MYO3B: variants seen among roughly 807,000 people sequenced by gnomAD.
The protein encoded by MYO3B is myosin IIIB.
In MYO3B, 156 loss-of-function variants were observed where a neutral mutation model predicts 174.6. That is an observed-to-expected ratio of 0.89 (90% CI 0.78 to 1.02). MYO3B has a LOEUF of 1.02. MYO3B is among the 50% of genes least tolerant of loss of function. The pLI, the probability that MYO3B is intolerant of heterozygous loss-of-function variation, is 0.00. For synonymous variants in MYO3B, 563 were observed against 569.1 expected, an observed-to-expected ratio of 0.99 and a Z score of 0.15; for missense variants, 1,632 against 1,639.4, an observed-to-expected ratio of 1.00 and a Z score of 0.08.
At chr2:170,217,231 T>C in intron 5 of MYO3B, 88 bp from the exon 6 acceptor site, 1 of 1,105,180 alleles carries the variant, frequency 9.0e-7, no homozygotes, top group Non-Finnish European at 1.4e-6. Context: ...CTAAAGTACT[T>C]ATTTGGCCTT....
chr2:170,195,289 C>G (rs889198258), intron 1 of MYO3B, among the ~76,000 whole-genome samples: 8 of 152,010 alleles, frequency 5.3e-5, no homozygotes, highest in African/African-American at 1.7e-4. Flanking sequence ...ACCGTCCTAT[C>G]CTGTACCCAT....
intron 32 of MYO3B, among the ~76,000 whole-genome samples, chr2:170,634,710 A>G (rs1697317007): frequency 6.6e-6 from 1 of 152,268 alleles, no homozygotes. Flanking sequence ...AAATTTTTGC[A>G]ATCTACCCAT....
At chr2:170,441,664 G>C (rs887019636) in intron 22 of MYO3B, among the ~76,000 whole-genome samples, 20 of 152,220 alleles carry the variant, frequency 1.3e-4, no homozygotes, top group African/African-American at 4.6e-4. Flanking sequence ...TCCTGGAACT[G>C]AGGGGTCCTC....
At chr2:170,424,800 C>G (rs955506455) in intron 22 of MYO3B, among the ~76,000 whole-genome samples, 1 of 151,928 alleles carries the variant, frequency 6.6e-6, no homozygotes, top group Non-Finnish European at 1.5e-5. Context: ...AATTTAGAGC[C>G]ATTTGGTTTT....
intron 8 of MYO3B, chr2:170,350,250 C>T (rs894720665): frequency 6.6e-6 from 1 of 151,978 alleles, no homozygotes; most frequent in Non-Finnish European, 1.5e-5. Flanking sequence ...CTGCCCGCCT[C>T]GACCTCCCAA....
chr2:170,207,524 G>T (rs577583943), intron 3 of MYO3B, among the ~76,000 whole-genome samples: 2 of 152,226 alleles, frequency 1.3e-5, no homozygotes, highest in South Asian at 4.2e-4. Context: ...AGGCTTTTGG[G>T]TTCCCTTCCC....
At chr2:170,303,826 T>C (rs1211575608) in intron 7 of MYO3B, among the ~76,000 whole-genome samples, 1 of 152,118 alleles carries the variant, frequency 6.6e-6, no homozygotes, top group African/African-American at 2.4e-5. Flanking sequence ...TATATATTAA[T>C]ATGCAATTAC....
At chr2:170,344,660 CA>C (rs1425741702) in intron 8 of MYO3B, 1 of 152,086 alleles carries the variant, frequency 6.6e-6, no homozygotes, top group African/African-American at 2.4e-5. Flanking sequence ...GGACAGGAAG[CA>C]GTCTGCATCA....
chr2:170,555,053 G>A (rs6717120), intron 32 of MYO3B, among the ~76,000 whole-genome samples: 5,448 of 33,662 alleles, frequency 0.16, 306 homozygotes, highest in African/African-American at 0.22. Context: ...TTCTTTTTAT[G>A]TTTGTTTGTT....
intron 32 of MYO3B, among the ~76,000 whole-genome samples, chr2:170,582,192 G>T (rs10209305): frequency 0.52 from 78,831 of 152,094 alleles, 21,195 homozygotes; most frequent in Non-Finnish European, 0.59. Context: ...GGCTACAGAC[G>T]CACTACCAGC....
At chr2:170,245,692 G>C (rs12618301) in intron 7 of MYO3B, among the ~76,000 whole-genome samples, 13,189 of 152,256 alleles carry the variant, frequency 0.087, 733 homozygotes, top group East Asian at 0.18. Context: ...GTTTTCTTAA[G>C]TATCCTCTCT....
At chr2:170,470,345 A>G (rs755173720) in intron 25 of MYO3B, among the ~76,000 whole-genome samples, 10 of 152,134 alleles carry the variant, frequency 6.6e-5, no homozygotes, top group African/African-American at 2.4e-4. Flanking sequence ...TGTAAATGGA[A>G]TCATACAACG....
chr2:170,230,174 GT>G (rs1175614525), intron 6 of MYO3B, among the ~76,000 whole-genome samples: 197 of 128,104 alleles, frequency 1.5e-3, no homozygotes, highest in Non-Finnish European at 2.3e-3. Context: ...TTTTTTTTTT[GT>G]TTTTTTTTTT....
At chr2:170,641,643 T>C (rs1170685975) in intron 32 of MYO3B, among the ~76,000 whole-genome samples, 1 of 152,164 alleles carries the variant, frequency 6.6e-6, no homozygotes, top group East Asian at 1.9e-4. Flanking sequence ...CCATTTAAGC[T>C]ATCTCTGGAA....
At chr2:170,375,539 G>C (rs868615255) in intron 9 of MYO3B, among the ~76,000 whole-genome samples, 4 of 151,792 alleles carry the variant, frequency 2.6e-5, no homozygotes, top group Admixed American at 1.3e-4. Flanking sequence ...CTGTTTAATG[G>C]GTTGTCATGT....
At chr2:170,305,423 T>A (rs1428323493) in intron 7 of MYO3B, among the ~76,000 whole-genome samples, 1 of 152,240 alleles carries the variant, frequency 6.6e-6, no homozygotes, top group East Asian at 1.9e-4. Flanking sequence ...TCCACACTTA[T>A]TCCTCCAGAG....
intron 32 of MYO3B, among the ~76,000 whole-genome samples, chr2:170,631,129 C>A (rs554606103): frequency 2.6e-5 from 4 of 151,974 alleles, no homozygotes; most frequent in African/African-American, 9.7e-5. Flanking sequence ...TCGAACCCAT[C>A]GCAAAGAAGT....
At chr2:170,204,883 G>A (rs2092699064) in intron 3 of MYO3B, among the ~76,000 whole-genome samples, 1 of 142,148 alleles carries the variant, frequency 7.0e-6, no homozygotes, top group African/African-American at 2.6e-5. Flanking sequence ...CTTTTAAAAT[G>A]TTCAACCCAT....
chr2:170,636,962 G>GTGTGTC (rs1697545231), intron 32 of MYO3B, among the ~76,000 whole-genome samples: 1 of 148,170 alleles, frequency 6.7e-6, no homozygotes, highest in African/African-American at 2.5e-5. Context: ...TTGTGCGTGT[G>GTGTGTC]TGTGTGTGTG....
Sources: gnomAD v4.1 joint callset for allele counts (sites outside exome capture counted in the v4.1 genomes callset) on GRCh38, gnomAD v4.1.1 for gene constraint, MANE v1.5 for transcripts, NCBI Gene and HGNC (gene_info 2026-07-23, HGNC 2026-07-21) for gene names.